COX17: variants seen among roughly 807,000 people sequenced by gnomAD.
COX17 encodes the protein cytochrome c oxidase copper chaperone COX17, also known as cytochrome c oxidase copper chaperone.
In COX17, 1 loss-of-function variant was observed where a neutral mutation model predicts 6.3. The ratio of observed to expected loss-of-function variants is 0.16; its 90% CI spans 0.06 to 0.75. The LOEUF is 0.75. COX17 is among the 30% of genes least tolerant of loss of function. The probability of loss-of-function intolerance (pLI) is 0.77; values close to 1 mark genes in which losing one functional copy is unlikely to be tolerated. For synonymous variants in COX17, 26 were observed against 30.5 expected, an observed-to-expected ratio of 0.85 and a Z score of 0.49; for missense variants, 73 against 81.2, an observed-to-expected ratio of 0.90 and a Z score of 0.39.
intron 2 of COX17, among the ~76,000 whole-genome samples, chr3:119,672,155 A>C (rs1238517175): frequency 6.6e-6 from 1 of 152,246 alleles, no homozygotes; most frequent in African/African-American, 2.4e-5. Context: ...TCTATGAAGT[A>C]GTTTGGGCAT....
intron 2 of COX17, among the ~76,000 whole-genome samples, chr3:119,674,048 T>C (rs2053073048): frequency 6.6e-6 from 1 of 151,930 alleles, no homozygotes; most frequent in African/African-American, 2.4e-5. Context: ...GGAGCGCCTC[T>C]GCCCAGCTGC....
At chr3:119,673,451 T>C (rs1246358956) in intron 2 of COX17, among the ~76,000 whole-genome samples, 1 of 152,224 alleles carries the variant, frequency 6.6e-6, no homozygotes, top group Non-Finnish European at 1.5e-5. Flanking sequence ...CATGTAGCTA[T>C]TAAAATTTTT....
chr3:119,676,557 C>G (rs537201237), intron 1 of COX17, among the ~76,000 whole-genome samples: 1 of 152,284 alleles, frequency 6.6e-6, no homozygotes, highest in African/African-American at 2.4e-5. Context: ...TCCCCTGCGT[C>G]GTAGACTGAT....
At chr3:119,668,139 GA>G (rs5852220), downstream of COX17, among the ~76,000 whole-genome samples, 45,687 of 151,818 alleles carry the variant, frequency 0.3, 7,333 homozygotes, top group Admixed American at 0.37. Flanking sequence ...ATGTAGCATA[GA>G]AAAAAAATTT....
At position 119,677,234 on chromosome 3, in the gene COX17, C is replaced by G. The variant is rs776062046; in HGVS notation, c.77G>C (p.Cys26Ser). ...ATCGCGCGCCTTCTTGGTCTCCGGG[C>G]AAGCGCAGCAGGGCTTCAGCGGCTT... ...EKKPLKPCCA[C>S]PETKKARDAC... Residue 26 changes from cysteine (C) to serine (S), a missense_variant, in exon 1 of 3, where the codon TGC becomes TCC. Cys to Ser is a moderately radical substitution (Grantham distance 112, BLOSUM62 -1). Transcript: ENST00000261070. The G allele has an allele frequency of 1.2e-6, 2 of 1,611,858 alleles. No individual in the cohort carries two copies. Among genetic ancestry groups the G allele is most frequent in the Admixed American group, 3.3e-5 (2 of 59,980 alleles).
At chr3:119,668,767 A>G (rs2053016028), downstream of COX17, among the ~76,000 whole-genome samples, 1 of 151,898 alleles carries the variant, frequency 6.6e-6, no homozygotes, top group African/African-American at 2.4e-5. Flanking sequence ...CCTCTTAATT[A>G]TGTTCTCAGT....
In COX17 at chr3:119,675,008, A is replaced by G. The variant is rs114961808; in HGVS notation, c.*4+137T>C. ...GACATAATTTACTCCCTTCATTGGG[A>G]ACTGAAAAATCATGGTTTTTTCAAA... On this transcript the variant is annotated intron_variant, in intron 2 of 2. Coordinates refer to ENST00000261070, the MANE Select transcript of COX17 (RefSeq NM_005694.2). The G allele has an allele frequency of 5.0e-4, 315 of 630,652 alleles. 1 individual carries two copies. In the African/African-American group the frequency reaches 5.1e-3, roughly 10 times the overall value. 39.1% of individuals were successfully genotyped at this position (630,652 alleles called of 1,614,324 possible).
chr3:119,677,107 A>C (rs571158479), intron 1 of COX17, 97 bp downstream of exon 1: 10 of 824,778 alleles, frequency 1.2e-5, no homozygotes, highest in Admixed American at 4.9e-5. Context: ...GGCAGAGGGC[A>C]GAAGGCAGAG....
At chr3:119,673,762 T>C (rs1357674199) in intron 2 of COX17, among the ~76,000 whole-genome samples, 4 of 152,214 alleles carry the variant, frequency 2.6e-5, no homozygotes, top group Non-Finnish European at 4.4e-5. Context: ...AAGAGTATCA[T>C]TTGTTTGTGG....
downstream of COX17, chr3:119,665,181 G>A (rs543028387): frequency 1.3e-5 from 2 of 152,322 alleles, no homozygotes; most frequent in East Asian, 1.9e-4. Flanking sequence ...TGTGAGCAAT[G>A]AGATGTAAGA....
chr3:119,669,908 ACTCT>A (rs961181177), intron 2 of COX17, among the ~76,000 whole-genome samples: 1 of 151,878 alleles, frequency 6.6e-6, no homozygotes, highest in Admixed American at 6.6e-5. Flanking sequence ...TGAAGTAAAA[ACTCT>A]CTCTGCGTGT....
At chr3:119,677,122 G>A in intron 1 of COX17, 82 bp downstream of exon 1, 1 of 1,006,202 alleles carries the variant, frequency 9.9e-7, no homozygotes, top group Non-Finnish European at 1.5e-6. Context: ...GCAGAGGGCA[G>A]AGGCCGTAGG....
intron 2 of COX17, among the ~76,000 whole-genome samples, chr3:119,672,395 G>C (rs1316701849): frequency 6.6e-6 from 1 of 152,070 alleles, no homozygotes; most frequent in Non-Finnish European, 1.5e-5. Context: ...TATAACAATT[G>C]TACCACCTTT....
intron 2 of COX17, among the ~76,000 whole-genome samples, chr3:119,670,606 A>T (rs1287544646): frequency 2.0e-5 from 3 of 152,166 alleles, no homozygotes; most frequent in African/African-American, 7.2e-5. Context: ...ATATCTCTGG[A>T]TGTAAAGTCT....
Position 119,675,131 on chromosome 3 carries a change from A to T in COX17, c.*4+14T>A, listed in dbSNP as rs770792629. ...TCTGTAAAGCAATACACAACTTTGA[A>T]GCAAGAAGCTTACCATTTCATATTT... On this transcript the variant is annotated intron_variant, in intron 2 of 2. Transcript: ENST00000261070. The T allele has an allele frequency of 1.9e-5, 30 of 1,583,492 alleles. No homozygotes were observed. The highest frequency in any genetic ancestry group is 2.4e-5 in the Non-Finnish European group (28 of 1,153,040).
At chr3:119,670,211 T>C (rs1216795817) in intron 2 of COX17, among the ~76,000 whole-genome samples, 1 of 152,102 alleles carries the variant, frequency 6.6e-6, no homozygotes, top group Non-Finnish European at 1.5e-5. Context: ...GTAGCATAGA[T>C]AGGGTTGCTG....
downstream of COX17, chr3:119,669,224 A>C (rs2053019522): frequency 6.7e-6 from 1 of 148,894 alleles, no homozygotes; most frequent in Non-Finnish European, 1.5e-5. Context: ...ATAAGACTAA[A>C]GGCTTGTTCT....
chr3:119,672,921 C>T (rs1490110231), intron 2 of COX17, among the ~76,000 whole-genome samples: 1 of 152,240 alleles, frequency 6.6e-6, no homozygotes, highest in East Asian at 1.9e-4. Context: ...TACACAGTAA[C>T]TTCTTATCAG....
intron 2 of COX17, among the ~76,000 whole-genome samples, chr3:119,673,093 T>C (rs186091756): frequency 1.3e-5 from 2 of 152,212 alleles, no homozygotes; most frequent in African/African-American, 4.8e-5. Flanking sequence ...TCAGCTGTTA[T>C]TAAGTTAAAA....
Sources: allele counts gnomAD v4.1 joint callset (sites outside exome capture counted in the v4.1 genomes callset), GRCh38; gene constraint gnomAD v4.1.1; transcripts MANE v1.5; gene names NCBI Gene and HGNC (gene_info 2026-07-23, HGNC 2026-07-21).